BTBD9: variants seen among roughly 807,000 people sequenced by gnomAD.
BTBD9 encodes BTB domain containing 9.
In BTBD9, 49 loss-of-function variants were observed where a neutral mutation model predicts 64.3. The ratio of observed to expected loss-of-function variants is 0.76; its 90% confidence interval spans 0.61 to 0.97. BTBD9 has a LOEUF of 0.97. Ranked by LOEUF, BTBD9 falls within the 50% of genes least tolerant of loss-of-function variation. The probability of loss-of-function intolerance (pLI) is 0.00; values close to 1 mark genes in which losing one functional copy is unlikely to be tolerated. For synonymous variants in BTBD9, 260 were observed against 274.7 expected, an observed-to-expected ratio of 0.95 and a Z score of 0.53; for missense variants, 598 against 762.1, an observed-to-expected ratio of 0.78 and a Z score of 2.53.
rs181949748 is a variant in BTBD9, at chr6:38,523,279, G to A, written c.1154+54321C>T. On this transcript the variant is annotated intron_variant, in intron 6 of 10. Coordinates refer to ENST00000481247, the MANE Select transcript of BTBD9 (RefSeq NM_001099272.2). ...TCTCCATTTTTACTGTACTACCCCA[G>A]TCTAGCCCTGTGCTATAACATCCTA... Among the ~76,000 whole-genome samples the A allele has an allele frequency of 1.2e-3, 181 of 152,018 alleles. 2 individuals carry two copies. In the East Asian group the frequency reaches 0.027, roughly 23 times the overall value.
At chr6:38,291,366 G>A (rs1053344155) in intron 7 of BTBD9, among the ~76,000 whole-genome samples, 1 of 152,206 alleles carries the variant, frequency 6.6e-6, no homozygotes, top group Non-Finnish European at 1.5e-5. Flanking sequence ...CTTTGCTGAA[G>A]TTGCTTATCA....
intron 9 of BTBD9, among the ~76,000 whole-genome samples, chr6:38,245,580 TTC>T (rs1764161079): frequency 6.6e-6 from 1 of 152,140 alleles, no homozygotes; most frequent in Non-Finnish European, 1.5e-5. Flanking sequence ...ACGCAAAGAA[TTC>T]TGTTCTTGAT....
chr6:38,563,843 A>G (rs1775356347), intron 6 of BTBD9, among the ~76,000 whole-genome samples: 1 of 138,072 alleles, frequency 7.2e-6, no homozygotes, highest in Non-Finnish European at 1.5e-5. Context: ...GTGCAGTGGC[A>G]CGATCTTGGC....
intron 1 of BTBD9, 25 bp from the exon 2 acceptor site, chr6:38,598,146 G>GT: frequency 2.6e-6 from 4 of 1,549,576 alleles, no homozygotes; most frequent in Non-Finnish European, 3.5e-6. Flanking sequence ...AGGAATGAGA[G>GT]TTAGTTGGGG....
intron 1 of BTBD9, among the ~76,000 whole-genome samples, chr6:38,608,411 A>G (rs941513227): frequency 6.6e-6 from 1 of 152,210 alleles, no homozygotes; most frequent in Non-Finnish European, 1.5e-5. Flanking sequence ...AATACAAGAC[A>G]AGCCATTTCT....
chr6:38,190,851 G>A (rs1005574674), intron 10 of BTBD9, among the ~76,000 whole-genome samples: 2 of 152,212 alleles, frequency 1.3e-5, no homozygotes, highest in African/African-American at 4.8e-5. Flanking sequence ...AGCCCTAGAA[G>A]AAGGCCCTGG....
chr6:38,197,644 C>G (rs182404374), intron 9 of BTBD9, among the ~76,000 whole-genome samples: 46 of 152,258 alleles, frequency 3.0e-4, no homozygotes, highest in African/African-American at 1.0e-3. Context: ...GGAGAAAACA[C>G]AAAGAGCATG....
At chr6:38,519,994 A>T (rs1188271568) in intron 6 of BTBD9, among the ~76,000 whole-genome samples, 1 of 152,232 alleles carries the variant, frequency 6.6e-6, no homozygotes, top group Non-Finnish European at 1.5e-5. Flanking sequence ...AAAGAAAAAT[A>T]GTGACAATTT....
intron 6 of BTBD9, among the ~76,000 whole-genome samples, chr6:38,552,145 C>T (rs963212293): frequency 6.6e-6 from 1 of 152,172 alleles, no homozygotes; most frequent in Non-Finnish European, 1.5e-5. Flanking sequence ...TGGACTGGAA[C>T]ATTTGGCTTA....
chr6:38,373,728 A>G (rs954706174), intron 6 of BTBD9, among the ~76,000 whole-genome samples: 1 of 152,038 alleles, frequency 6.6e-6, no homozygotes, highest in African/African-American at 2.4e-5. Context: ...GGGTCTCACT[A>G]TGTTGCCCTG....
chr6:38,513,505 A>T (rs1420340753), intron 6 of BTBD9, among the ~76,000 whole-genome samples: 1 of 151,976 alleles, frequency 6.6e-6, no homozygotes, highest in Non-Finnish European at 1.5e-5. Flanking sequence ...AAATCCCACG[A>T]CACTTCCAAC....
intron 9 of BTBD9, among the ~76,000 whole-genome samples, chr6:38,196,369 A>G (rs577600426): frequency 2.6e-5 from 4 of 152,386 alleles, no homozygotes; most frequent in South Asian, 2.1e-4. Flanking sequence ...ATTGGCATAT[A>G]TTAAATACTA....
At chr6:38,587,020 G>A (rs971913974) in intron 4 of BTBD9, among the ~76,000 whole-genome samples, 1 of 151,498 alleles carries the variant, frequency 6.6e-6, no homozygotes, top group Admixed American at 6.6e-5. Flanking sequence ...CCGAGATTGT[G>A]TCGTTGCATT....
chr6:38,181,639 TCC>T (rs1761558823), intron 10 of BTBD9, among the ~76,000 whole-genome samples: 2 of 152,198 alleles, frequency 1.3e-5, no homozygotes, highest in Admixed American at 1.3e-4. Context: ...CAACAAAATA[TCC>T]CTTTTGATAA....
intron 4 of BTBD9, among the ~76,000 whole-genome samples, chr6:38,581,944 T>A (rs1776302018): frequency 6.6e-6 from 1 of 152,174 alleles, no homozygotes; most frequent in African/African-American, 2.4e-5. Flanking sequence ...TGTAAAAAAA[T>A]ACCGAATTCT....
intron 6 of BTBD9, among the ~76,000 whole-genome samples, chr6:38,458,918 A>C (rs1769943585): frequency 6.6e-6 from 1 of 152,248 alleles, no homozygotes; most frequent in African/African-American, 2.4e-5. Flanking sequence ...TGAATACTTT[A>C]ATTATATGAC....
At chr6:38,270,617 T>C (rs1215673040) in intron 8 of BTBD9, among the ~76,000 whole-genome samples, 1 of 152,134 alleles carries the variant, frequency 6.6e-6, no homozygotes, top group East Asian at 1.9e-4. Context: ...AAGGCGCTGG[T>C]GCTGGAACTG....
chr6:38,320,403 G>T (rs871182), intron 7 of BTBD9, among the ~76,000 whole-genome samples: 9,299 of 152,098 alleles, frequency 0.061, 783 homozygotes, highest in East Asian at 0.38. Flanking sequence ...AAATATTTTC[G>T]TATCTGCCTT....
intron 6 of BTBD9, among the ~76,000 whole-genome samples, chr6:38,346,666 G>A (rs1451164802): frequency 2.0e-5 from 3 of 152,240 alleles, no homozygotes; most frequent in South Asian, 2.1e-4. Context: ...ACCGGTCTGG[G>A]TAGTAAAGAT....
Sources: gnomAD v4.1 joint callset for allele counts (sites outside exome capture counted in the v4.1 genomes callset) on GRCh38, gnomAD v4.1.1 for gene constraint, MANE v1.5 for transcripts, NCBI Gene and HGNC (gene_info 2026-07-23, HGNC 2026-07-21) for gene names.